LYPD1: variants seen among roughly 807,000 people sequenced by gnomAD.
LYPD1 encodes the protein ly6/PLAUR domain-containing protein 1.
Under a neutral mutation model 14.2 loss-of-function variants are expected in LYPD1, and 14 were observed. The observed-to-expected ratio is 0.99, with a 90% confidence interval of 0.65 to 1.54. LYPD1 has a LOEUF of 1.54. Ranked by LOEUF, LYPD1 falls within the 40% of genes most tolerant of loss-of-function variation. The pLI, the probability that LYPD1 is intolerant of heterozygous loss-of-function variation, is 0.00. For missense variants in LYPD1, 165 were observed against 175.7 expected (o/e 0.94, Z 0.34); for synonymous variants, 85 against 70.6 (o/e 1.20, Z -1.02).
Position 132,645,600 on chromosome 2 carries a change from A to T in LYPD1, c.*445T>A. 6.2e-7 allele frequency: 1 copy of T among 1,610,110 alleles called. No individual in the cohort carries two copies. Among genetic ancestry groups the T allele is most frequent in the Non-Finnish European group, 8.5e-7 (1 of 1,178,098 alleles). On this transcript the variant is annotated 3_prime_UTR_variant, in exon 3 of 3. Transcript: ENST00000397463. Reference sequence around the variant, plus strand: ...CAGAGAATGGTTTTCAGGAGCATGAAGTTTGAATGTCAAGCGAGGGAGCCT... The same window carrying T: ...CAGAGAATGGTTTTCAGGAGCATGATGTTTGAATGTCAAGCGAGGGAGCCT...
chr2:132,671,027 C>A (rs1257474571), upstream of LYPD1, among the ~76,000 whole-genome samples: 1 of 152,186 alleles, frequency 6.6e-6, no homozygotes, highest in Non-Finnish European at 1.5e-5. Flanking sequence ...CAAACGCCAG[C>A]CGGCTCCATT....
intron 2 of LYPD1, among the ~76,000 whole-genome samples, chr2:132,665,458 G>A (rs1683212948): frequency 6.6e-6 from 1 of 152,152 alleles, no homozygotes; most frequent in South Asian, 2.1e-4. Context: ...TTCATGGCCT[G>A]TCTACCTGGA....
At chr2:132,647,533 G>A (rs540482084) in intron 2 of LYPD1, among the ~76,000 whole-genome samples, 70 of 152,300 alleles carry the variant, frequency 4.6e-4, no homozygotes, top group Non-Finnish European at 8.1e-4. Flanking sequence ...GGGTTTCACC[G>A]TGTTAGCCAG....
chr2:132,653,677 G>GA (rs1375358140), intron 2 of LYPD1, among the ~76,000 whole-genome samples: 1 of 152,068 alleles, frequency 6.6e-6, no homozygotes, highest in African/African-American at 2.4e-5. Context: ...AATTACAATG[G>GA]AAAAAATAGT....
intron 1 of LYPD1, among the ~76,000 whole-genome samples, chr2:132,668,918 G>A (rs1223677786): frequency 6.6e-6 from 1 of 152,224 alleles, no homozygotes; most frequent in African/African-American, 2.4e-5. Context: ...ATTGCTAATT[G>A]GTTACAAATT....
chr2:132,662,375 G>A (rs1294506699), intron 2 of LYPD1, among the ~76,000 whole-genome samples: 2 of 152,162 alleles, frequency 1.3e-5, no homozygotes, highest in Non-Finnish European at 2.9e-5. Context: ...AAGCCCCTGG[G>A]ATATTAAGTA....
chr2:132,663,099 G>A (rs1444312695), intron 2 of LYPD1: 1 of 152,136 alleles, frequency 6.6e-6, no homozygotes. Flanking sequence ...CAAGGTGTTT[G>A]TTCTTTTAGT....
At chr2:132,661,640 G>C (rs1157993806) in intron 2 of LYPD1, among the ~76,000 whole-genome samples, 2 of 152,128 alleles carry the variant, frequency 1.3e-5, no homozygotes, top group African/African-American at 4.8e-5. Context: ...GCCACAAAAG[G>C]CCACACAGTA....
chr2:132,663,695 A>G (rs1251608726), intron 2 of LYPD1, among the ~76,000 whole-genome samples: 1 of 152,150 alleles, frequency 6.6e-6, no homozygotes, highest in Non-Finnish European at 1.5e-5. Flanking sequence ...ATTGATTCAA[A>G]ATGGGGTTAA....
At chr2:132,659,702 T>C (rs1256839063) in intron 2 of LYPD1, among the ~76,000 whole-genome samples, 1 of 152,220 alleles carries the variant, frequency 6.6e-6, no homozygotes, top group Non-Finnish European at 1.5e-5. Flanking sequence ...GGCTCCGGCC[T>C]ATTGGCTGCC....
chr2:132,667,403 T>C (rs974625217), intron 2 of LYPD1, among the ~76,000 whole-genome samples: 2 of 152,174 alleles, frequency 1.3e-5, no homozygotes, highest in African/African-American at 4.8e-5. Flanking sequence ...AGAAACGACT[T>C]TCCCAAGGTG....
chr2:132,653,848 GT>G (rs1427563915), intron 2 of LYPD1, among the ~76,000 whole-genome samples: 2 of 152,176 alleles, frequency 1.3e-5, no homozygotes, highest in Non-Finnish European at 2.9e-5. Context: ...ACCTCTATCT[GT>G]TCATGAGAAA....
At chr2:132,664,043 G>C (rs1331741284) in intron 2 of LYPD1, among the ~76,000 whole-genome samples, 3 of 151,734 alleles carry the variant, frequency 2.0e-5, no homozygotes, top group Admixed American at 1.3e-4. Context: ...ACAAATATAT[G>C]ACTGTGTGTG....
In LYPD1 at chr2:132,646,084, G is replaced by T. The variant is rs1682057476; in HGVS notation, c.387C>A (p.Ile129=). 6.2e-7 allele frequency: 1 copy of T among 1,603,530 alleles called. No homozygotes were observed. ...AGAAGAGGGCTAATTTGAGGAACAG[G>T]ATGGTGGTGCGGAGCCCTGGCCTGA... ...SALRPGLRTT[I]LFLKLALFSA... The change falls in exon 3 of 3, where the codon ATC becomes ATA. Residue 129 remains isoleucine, a synonymous_variant. Transcript: ENST00000397463.
chr2:132,647,658 T>TA (rs1682176182), intron 2 of LYPD1, among the ~76,000 whole-genome samples: 1 of 152,068 alleles, frequency 6.6e-6, no homozygotes, highest in Non-Finnish European at 1.5e-5. Flanking sequence ...ATCAATGAAT[T>TA]ATTTTTTTTG....
intron 2 of LYPD1, among the ~76,000 whole-genome samples, chr2:132,655,032 T>C (rs561467031): frequency 5.3e-5 from 8 of 152,176 alleles, no homozygotes; most frequent in African/African-American, 1.9e-4. Context: ...GAGCCCGGCC[T>C]CTCTCTCCCT....
chr2:132,645,809 T>A lies in LYPD1; in HGVS notation c.*236A>T. 1.4e-6 allele frequency: 1 copy of A among 734,462 alleles called. No homozygotes were observed. The highest frequency in any genetic ancestry group is 2.8e-5 in the East Asian group (1 of 36,296). 45.5% of individuals were successfully genotyped at this position (734,462 alleles called of 1,614,324 possible). A position where few individuals can be genotyped will look rare whatever the true frequency, so the allele number is the denominator to read the frequency against. On this transcript the variant is annotated 3_prime_UTR_variant, in exon 3 of 3. Coordinates refer to ENST00000397463, the MANE Select transcript of LYPD1 (RefSeq NM_144586.7). ...GACTCCGGTTACACAGACATGGGGG[T>A]GAACTTTCACTCCACCTCCTTCCTT...
Position 132,645,426 on chromosome 2 carries a change from C to G in LYPD1, c.*619G>C. On this transcript the variant is annotated 3_prime_UTR_variant, in exon 3 of 3. Coordinates refer to ENST00000397463, the MANE Select transcript of LYPD1 (RefSeq NM_144586.7). ...GCTTTGTGCAGCGCCCGTTGCTCTT[C>G]GCGTCCCGGCGCCAGTCCTCTGCAA... 7 of 1,613,534 alleles carry G rather than the reference C, an allele frequency of 4.3e-6. No homozygotes were observed. Among genetic ancestry groups the G allele is most frequent in the Non-Finnish European group, 5.9e-6 (7 of 1,180,034 alleles).
intron 2 of LYPD1, among the ~76,000 whole-genome samples, chr2:132,659,110 C>T (rs1310738794): frequency 1.3e-5 from 2 of 152,186 alleles, no homozygotes; most frequent in Non-Finnish European, 2.9e-5. Flanking sequence ...AGGCATTAGT[C>T]AGCTATTTCT....
Sources: gnomAD v4.1 joint callset for allele counts (sites outside exome capture counted in the v4.1 genomes callset) on GRCh38, gnomAD v4.1.1 for gene constraint, MANE v1.5 for transcripts, NCBI Gene and HGNC (gene_info 2026-07-23, HGNC 2026-07-21) for gene names.